MRTFA: variants seen among roughly 807,000 people sequenced by gnomAD.
MRTFA encodes myocardin related transcription factor A, also known as myocardin-related transcription factor A.
In MRTFA, 20 loss-of-function variants were observed where a neutral mutation model predicts 83.5. The observed-to-expected ratio is 0.24, with a 90% CI of 0.17 to 0.35. The LOEUF is 0.35. Among genes scored for constraint, MRTFA ranks in the 10% least tolerant of loss-of-function variants. The pLI is 1.00. For synonymous variants in MRTFA, 659 were observed against 541.2 expected (o/e 1.22, Z -3.02); for missense variants, 1,200 against 1,224.7 (o/e 0.98, Z 0.30).
At chr22:40,609,504 A>C (rs1224754113) in intron 1 of MRTFA, among the ~76,000 whole-genome samples, 7 of 146,538 alleles carry the variant, frequency 4.8e-5, no homozygotes, top group East Asian at 2.0e-4. Flanking sequence ...AAAAAAAAAA[A>C]CACTTTAAAT....
chr22:40,539,010 T>A (rs976687910), intron 3 of MRTFA, among the ~76,000 whole-genome samples: 4 of 148,636 alleles, frequency 2.7e-5, no homozygotes, highest in Non-Finnish European at 4.5e-5. Context: ...TTTTTTTTTT[T>A]TTGAGACAAA....
intron 4 of MRTFA, among the ~76,000 whole-genome samples, chr22:40,458,350 A>T (rs78247867): frequency 7.9e-5 from 12 of 152,344 alleles, no homozygotes; most frequent in Non-Finnish European, 1.5e-4. Context: ...CAACTTCTGT[A>T]TCTCACAGTT....
At chr22:40,527,174 T>C (rs1411057112) in intron 3 of MRTFA, among the ~76,000 whole-genome samples, 3 of 151,928 alleles carry the variant, frequency 2.0e-5, no homozygotes, top group African/African-American at 4.8e-5. Flanking sequence ...TTTTAAATTA[T>C]GACAGACTAT....
chr22:40,477,175 CAAAAAAAAAAA>C (rs55932110), intron 3 of MRTFA, among the ~76,000 whole-genome samples: 20 of 59,612 alleles, frequency 3.4e-4, no homozygotes, highest in Non-Finnish European at 4.0e-4. Flanking sequence ...ACTAAAAATA[CAAAAAAAAAAA>C]AAAAAAAAAA....
At chr22:40,485,713 G>A (rs567581022) in intron 3 of MRTFA, among the ~76,000 whole-genome samples, 21 of 152,196 alleles carry the variant, frequency 1.4e-4, no homozygotes, top group Non-Finnish European at 2.9e-4. Flanking sequence ...TGGTGGGGAA[G>A]AGTAGGGAGG....
chr22:40,480,281 T>TA (rs2054066414), intron 3 of MRTFA, among the ~76,000 whole-genome samples: 1 of 152,082 alleles, frequency 6.6e-6, no homozygotes, highest in African/African-American at 2.4e-5. Context: ...TTTATTTTTT[T>TA]TTTTTTATGT....
At chr22:40,507,922 C>T (rs980599337) in intron 3 of MRTFA, among the ~76,000 whole-genome samples, 4 of 144,374 alleles carry the variant, frequency 2.8e-5, no homozygotes, top group Non-Finnish European at 6.0e-5. Flanking sequence ...GAGATCAAGC[C>T]ACTGCACTCC....
intron 1 of MRTFA, among the ~76,000 whole-genome samples, chr22:40,620,537 G>C (rs989560229): frequency 1.4e-5 from 2 of 147,562 alleles, no homozygotes; most frequent in Non-Finnish European, 3.0e-5. Flanking sequence ...GCTTCCCAAA[G>C]TGCTGGGATT....
intron 3 of MRTFA, among the ~76,000 whole-genome samples, chr22:40,485,445 A>C (rs754652807): frequency 1.7e-4 from 26 of 152,200 alleles, no homozygotes; most frequent in Non-Finnish European, 5.9e-5. Context: ...GAAATAGCTT[A>C]GGAGACTCCA....
At chr22:40,425,613 T>TCA (rs535711597) in intron 7 of MRTFA, among the ~76,000 whole-genome samples, 75 of 152,322 alleles carry the variant, frequency 4.9e-4, no homozygotes, top group African/African-American at 1.8e-3. Flanking sequence ...CTCTGTCCCC[T>TCA]CATCTGTCCC....
intron 4 of MRTFA, among the ~76,000 whole-genome samples, chr22:40,452,838 A>G (rs1005732648): frequency 2.5e-4 from 38 of 151,520 alleles, no homozygotes; most frequent in African/African-American, 8.7e-4. Context: ...GATGACGACT[A>G]CTTTTTATGG....
At chr22:40,538,995 T>G (rs1479039258) in intron 3 of MRTFA, among the ~76,000 whole-genome samples, 1 of 143,176 alleles carries the variant, frequency 7.0e-6, no homozygotes, top group Non-Finnish European at 1.5e-5. Context: ...CTTTTGTTTT[T>G]TTTTTTTTTT....
chr22:40,412,720 G>A (rs1050110688), intron 14 of MRTFA: 1 of 152,194 alleles, frequency 6.6e-6, no homozygotes, highest in African/African-American at 2.4e-5. Flanking sequence ...CAAATGGGAA[G>A]TTACTGTTTA....
At chr22:40,618,523 T>C (rs2056482606) in intron 1 of MRTFA, among the ~76,000 whole-genome samples, 1 of 152,080 alleles carries the variant, frequency 6.6e-6, no homozygotes, top group Non-Finnish European at 1.5e-5. Context: ...ACCTGGCAGA[T>C]GCAGGAAAAG....
intron 1 of MRTFA, among the ~76,000 whole-genome samples, chr22:40,605,388 T>C (rs527380741): frequency 1.3e-5 from 2 of 152,166 alleles, no homozygotes; most frequent in Non-Finnish European, 2.9e-5. Flanking sequence ...ATAAGGAAAG[T>C]TGAAAGGACT....
At chr22:40,528,177 T>C (rs1351363868) in intron 3 of MRTFA, among the ~76,000 whole-genome samples, 1 of 152,130 alleles carries the variant, frequency 6.6e-6, no homozygotes, top group Non-Finnish European at 1.5e-5. Context: ...TGTCGCATTC[T>C]GACTCCACTT....
At chr22:40,435,102 G>A (rs1006049266) in intron 5 of MRTFA, among the ~76,000 whole-genome samples, 4 of 152,240 alleles carry the variant, frequency 2.6e-5, no homozygotes, top group African/African-American at 7.2e-5. Context: ...GTGTAACCCC[G>A]GACTTGGGAA....
At chr22:40,459,862 T>TATATATATATATATATATATATATAC (rs796103400) in intron 4 of MRTFA, among the ~76,000 whole-genome samples, 4 of 121,498 alleles carry the variant, frequency 3.3e-5, no homozygotes, top group South Asian at 5.4e-4. Context: ...TATATATATA[T>TATATATATATATATATATATATATAC]ACACACATGA....
intron 3 of MRTFA, among the ~76,000 whole-genome samples, chr22:40,482,204 C>T (rs1241729687): frequency 6.6e-6 from 1 of 152,114 alleles, no homozygotes; most frequent in East Asian, 1.9e-4. Context: ...AGAAGCTGCA[C>T]AAGTGGTAAC....
Sources: allele counts gnomAD v4.1 joint callset (sites outside exome capture counted in the v4.1 genomes callset), GRCh38; gene constraint gnomAD v4.1.1; transcripts MANE v1.5; gene names NCBI Gene and HGNC (gene_info 2026-07-23, HGNC 2026-07-21).